SDK1: variants seen among roughly 807,000 people sequenced by gnomAD.
The protein encoded by SDK1 is protein sidekick-1.
SDK1 carries 157 observed loss-of-function variants against 245.5 expected under a neutral mutation model. The ratio of observed to expected loss-of-function variants is 0.64; its 90% CI spans 0.56 to 0.73. SDK1 has a LOEUF of 0.73. Ranked by LOEUF, SDK1 falls within the 30% of genes least tolerant of loss-of-function variation. The pLI is 0.00. For missense variants in SDK1, 3,583 were observed against 3,002.3 expected (o/e 1.19, Z -4.52); for synonymous variants, 1,647 against 1,278.5 (o/e 1.29, Z -6.15).
Position 3,485,683 on chromosome 7 carries a change from G to GTTTTT in SDK1, c.299-133379_299-133375dup, listed in dbSNP as rs71552309. On this transcript the variant is annotated intron_variant, in intron 1 of 44. Transcript: ENST00000404826. The stretch of plus-strand genomic sequence containing the variant: ...GTGCTGAGGGGATGATCTTTGGAGG[G>GTTTTT]TTTTTTTTTTTTTTTTTTTTTTGAG... Among the ~76,000 whole-genome samples the GTTTTT allele has an allele frequency of 1.8e-3, 68 of 38,166 alleles. 6 individuals carry two copies. The highest frequency in any genetic ancestry group is 2.3e-3 in the African/African-American group (22 of 9,438). The allele number at this position is 38,166 out of a possible 152,430, so 25.0% of individuals were successfully genotyped here.
intron 1 of SDK1, among the ~76,000 whole-genome samples, chr7:3,449,333 A>G (rs960092109): frequency 6.6e-6 from 1 of 151,158 alleles, no homozygotes; most frequent in African/African-American, 2.4e-5. Context: ...CATTGTGGAA[A>G]TAATGTCCTC....
intron 4 of SDK1, among the ~76,000 whole-genome samples, chr7:3,814,290 T>A (rs1349482076): frequency 5.3e-5 from 8 of 150,040 alleles, no homozygotes; most frequent in African/African-American, 2.0e-4. Context: ...GATTTTTGTA[T>A]AAGGTGTAAG....
At chr7:3,491,103 A>C (rs1043210417) in intron 1 of SDK1, among the ~76,000 whole-genome samples, 1 of 152,240 alleles carries the variant, frequency 6.6e-6, no homozygotes, top group African/African-American at 2.4e-5. Flanking sequence ...AAAAAGGTTA[A>C]GGACCTTGTC....
chr7:3,578,553 A>G (rs930345271), intron 1 of SDK1, among the ~76,000 whole-genome samples: 1 of 152,000 alleles, frequency 6.6e-6, no homozygotes, highest in African/African-American at 2.4e-5. Flanking sequence ...GCAGGAGACC[A>G]GGGTGTATTT....
chr7:3,606,688 G>A (rs972684812), intron 1 of SDK1, among the ~76,000 whole-genome samples: 7 of 152,006 alleles, frequency 4.6e-5, no homozygotes, highest in Non-Finnish European at 7.4e-5. Context: ...CAGATACCCC[G>A]TTCTCAACGA....
intron 1 of SDK1, among the ~76,000 whole-genome samples, chr7:3,545,160 T>C (rs1779177838): frequency 6.6e-6 from 1 of 152,090 alleles, no homozygotes; most frequent in African/African-American, 2.4e-5. Flanking sequence ...AGAGTTTTAA[T>C]TGACGCCTAA....
intron 40 of SDK1, among the ~76,000 whole-genome samples, chr7:4,232,364 C>CTT (rs34525808): frequency 1.8e-4 from 20 of 112,560 alleles, no homozygotes; most frequent in African/African-American, 2.7e-4. Flanking sequence ...TTTTTTCTTT[C>CTT]TTTTTTTTTT....
At chr7:3,578,486 T>A (rs190862381) in intron 1 of SDK1, among the ~76,000 whole-genome samples, 79 of 152,110 alleles carry the variant, frequency 5.2e-4, no homozygotes, top group African/African-American at 1.8e-3. Context: ...AGAAAACCAG[T>A]CTGACCTCAA....
intron 35 of SDK1, among the ~76,000 whole-genome samples, chr7:4,201,483 T>C (rs569227214): frequency 3.0e-4 from 46 of 152,232 alleles, no homozygotes; most frequent in Non-Finnish European, 5.1e-4. Context: ...AAGAAAATTA[T>C]TTCATTATAT....
chr7:3,430,579 C>G (rs1428818995), intron 1 of SDK1, among the ~76,000 whole-genome samples: 2 of 152,184 alleles, frequency 1.3e-5, no homozygotes, highest in African/African-American at 4.8e-5. Flanking sequence ...ATCTGAGCCT[C>G]CTGTCCTATG....
In SDK1 at chr7:3,941,948, G is replaced by A. The variant is rs376825288; in HGVS notation, c.848-8975G>A. 1.4e-3 allele frequency among the ~76,000 whole-genome samples: 198 copies of A among 136,860 alleles called. 2 individuals are homozygous for A. Among genetic ancestry groups the A allele is most frequent in the African/African-American group, 4.9e-3 (172 of 34,962 alleles). 89.8% of individuals were successfully genotyped at this position (136,860 alleles called of 152,430 possible). On this transcript the variant is annotated intron_variant, in intron 5 of 44. Coordinates refer to ENST00000404826, the MANE Select transcript of SDK1 (RefSeq NM_152744.4). ...TTTTGAGACACAGTCTTGCTCTGTC[G>A]CCCAAGCTGGAGTGCAGTGGCGTGA...
rs555885792 is a variant in SDK1, at chr7:4,101,412, G to C, written c.3325-9251G>C. On this transcript the variant is annotated intron_variant, in intron 22 of 44. Coordinates refer to ENST00000404826, the MANE Select transcript of SDK1 (RefSeq NM_152744.4). The stretch of plus-strand genomic sequence containing the variant: ...TCCACCCGCCTTGGCCTCCCAAAGT[G>C]CTGGGATTACAGGCGTGAGCCACCG... Among the ~76,000 whole-genome samples the C allele has an allele frequency of 2.0e-3, 301 of 152,326 alleles. 3 individuals are homozygous for C. Among genetic ancestry groups the C allele is most frequent in the Middle Eastern group, 3.4e-3 (1 of 294 alleles).
At chr7:4,148,682 T>C (rs1780151515) in intron 29 of SDK1, among the ~76,000 whole-genome samples, 1 of 152,228 alleles carries the variant, frequency 6.6e-6, no homozygotes, top group African/African-American at 2.4e-5. Flanking sequence ...CAGTGCCTGG[T>C]GGTCTGGCAG....
At chr7:3,357,328 G>GTTTTTTGTTTTT (rs1780827765) in intron 1 of SDK1, among the ~76,000 whole-genome samples, 1 of 52,904 alleles carries the variant, frequency 1.9e-5, no homozygotes, top group East Asian at 7.7e-4. Context: ...TTCTTTTAGT[G>GTTTTTTGTTTTT]TTTTTTTTTT....
chr7:4,262,000 T>C (rs1788046242), intron 44 of SDK1, among the ~76,000 whole-genome samples: 2 of 146,918 alleles, frequency 1.4e-5, no homozygotes, highest in African/African-American at 2.5e-5. Flanking sequence ...AAAAATCAAT[T>C]TCACCCTCTG....
intron 19 of SDK1, among the ~76,000 whole-genome samples, chr7:4,055,617 C>T (rs1301381765): frequency 6.6e-6 from 1 of 151,720 alleles, no homozygotes; most frequent in African/African-American, 2.4e-5. Context: ...TCATGGTCTC[C>T]TTCATTTTCA....
chr7:3,636,291 T>C (rs1782455332), intron 2 of SDK1, among the ~76,000 whole-genome samples: 1 of 152,202 alleles, frequency 6.6e-6, no homozygotes, highest in African/African-American at 2.4e-5. Context: ...CTGTAAATGC[T>C]ATGCTGCACA....
chr7:4,073,722 G>T (rs117925763), intron 20 of SDK1, among the ~76,000 whole-genome samples: 1,625 of 152,296 alleles, frequency 0.011, 16 homozygotes, highest in Admixed American at 0.02. Context: ...ACATCAGGAG[G>T]AGGTGCTGGA....
chr7:3,797,337 T>A (rs971346891), intron 4 of SDK1, among the ~76,000 whole-genome samples: 11 of 151,440 alleles, frequency 7.3e-5, no homozygotes, highest in Non-Finnish European at 1.6e-4. Flanking sequence ...TTCGCTTCTT[T>A]CACCTTTTCT....
Sources: gnomAD v4.1 joint callset for allele counts (sites outside exome capture counted in the v4.1 genomes callset) on GRCh38, gnomAD v4.1.1 for gene constraint, MANE v1.5 for transcripts, NCBI Gene and HGNC (gene_info 2026-07-23, HGNC 2026-07-21) for gene names.